RBFOX3: variants seen among roughly 807,000 people sequenced by gnomAD.
The protein encoded by RBFOX3 is RNA binding fox-1 homolog 3, also known as RNA binding protein fox-1 homolog 3.
A neutral mutation model predicts 48.7 loss-of-function variants in RBFOX3; 17 were observed. The observed-to-expected ratio is 0.35, with a 90% confidence interval of 0.24 to 0.52. The LOEUF (loss-of-function observed/expected upper bound fraction) is 0.52, where lower values mean the gene tolerates loss of function less well. RBFOX3 is among the 20% of genes least tolerant of loss of function. The probability of loss-of-function intolerance (pLI) is 0.94; values close to 1 mark genes in which losing one functional copy is unlikely to be tolerated. For missense variants in RBFOX3, 382 were observed against 497.5 expected, an observed-to-expected ratio of 0.77 and a Z score of 2.21; for synonymous variants, 212 against 209.5, an observed-to-expected ratio of 1.01 and a Z score of -0.10.
chr17:79,094,355 T>G, intron 14 of RBFOX3, 96 bp downstream of exon 14: 1 of 852,224 alleles, frequency 1.2e-6, no homozygotes, highest in Non-Finnish European at 1.7e-6. Flanking sequence ...GACCAAGGCA[T>G]TGGTCAGAGG....
At chr17:79,557,613 G>A (rs2091879416) in intron 1 of RBFOX3, among the ~76,000 whole-genome samples, 1 of 152,232 alleles carries the variant, frequency 6.6e-6, no homozygotes, top group South Asian at 2.1e-4. Flanking sequence ...CACCAAATTA[G>A]CGGCTGTTGG....
the RBFOX3 span, among the ~76,000 whole-genome samples, chr17:79,620,278 C>T: frequency 3.3e-5 from 5 of 150,502 alleles, no homozygotes; most frequent in South Asian, 4.2e-4. Flanking sequence ...CACACATACG[C>T]ATATGCGCAC....
the RBFOX3 span, among the ~76,000 whole-genome samples, chr17:79,623,342 A>G: frequency 2.0e-4 from 31 of 152,236 alleles, no homozygotes; most frequent in Middle Eastern, 3.2e-3. Context: ...GGAGGGAGGT[A>G]GAATACTGGC....
intron 4 of RBFOX3, among the ~76,000 whole-genome samples, chr17:79,174,333 C>T (rs955163121): frequency 4.0e-5 from 6 of 150,932 alleles, no homozygotes; most frequent in Admixed American, 1.3e-4. Context: ...CACAGACACA[C>T]GCACACAATG....
chr17:79,101,327 C>T (rs1392940908), intron 9 of RBFOX3, among the ~76,000 whole-genome samples: 2 of 152,196 alleles, frequency 1.3e-5, no homozygotes, highest in African/African-American at 2.4e-5. Context: ...GGGCCAGGCA[C>T]GCCTGGGAAA....
the RBFOX3 span, among the ~76,000 whole-genome samples, chr17:79,648,615 C>T: frequency 1.3e-5 from 2 of 152,210 alleles, no homozygotes; most frequent in African/African-American, 4.8e-5. Flanking sequence ...ACCTCTGCCT[C>T]GTTGGGGCCG....
chr17:79,400,786 G>A (rs532763289), intron 2 of RBFOX3, among the ~76,000 whole-genome samples: 3 of 152,294 alleles, frequency 2.0e-5, no homozygotes, highest in South Asian at 4.1e-4. Flanking sequence ...TGTTGGCCCC[G>A]TCACTGCCCT....
At chr17:79,307,011 G>A (rs1393741143) in intron 3 of RBFOX3, among the ~76,000 whole-genome samples, 1 of 152,216 alleles carries the variant, frequency 6.6e-6, no homozygotes, top group Non-Finnish European at 1.5e-5. Context: ...CTTGGCACTC[G>A]GAGCAAGGAG....
intron 4 of RBFOX3, among the ~76,000 whole-genome samples, chr17:79,193,295 A>C (rs1394001070): frequency 6.6e-6 from 1 of 152,198 alleles, no homozygotes; most frequent in Non-Finnish European, 1.5e-5. Flanking sequence ...GAATGTGCCT[A>C]TTAACAGAGA....
chr17:79,138,692 A>G (rs2040912920), intron 4 of RBFOX3, among the ~76,000 whole-genome samples: 1 of 141,198 alleles, frequency 7.1e-6, no homozygotes, highest in Non-Finnish European at 1.5e-5. Flanking sequence ...ATACACATGG[A>G]CACAGCACAT....
rs1196852369 is a variant in RBFOX3, at chr17:79,510,185, C to T, written c.-319-27587G>A. Reference sequence around the variant, plus strand: ...GACGGGTGGTGGAATTGTCTGGTGTCGACAGAGGTGCCACGGAAAAGCCAC... The same window carrying T: ...GACGGGTGGTGGAATTGTCTGGTGTTGACAGAGGTGCCACGGAAAAGCCAC... On this transcript the variant is annotated intron_variant, in intron 1 of 14. Coordinates refer to ENST00000693108, the MANE Select transcript of RBFOX3 (RefSeq NM_001350451.2). 7.2e-5 allele frequency among the ~76,000 whole-genome samples: 11 copies of T among 152,188 alleles called. No homozygotes were observed. The East Asian group carries it at 1.6e-3, about 21-fold the overall frequency.
chr17:79,334,601 C>T (rs2080903896), intron 2 of RBFOX3, among the ~76,000 whole-genome samples: 1 of 152,068 alleles, frequency 6.6e-6, no homozygotes, highest in Admixed American at 6.5e-5. Context: ...AAGTTTGCAA[C>T]CATTTCAGGA....
intron 4 of RBFOX3, among the ~76,000 whole-genome samples, chr17:79,146,752 G>A (rs2043120937): frequency 6.6e-6 from 1 of 152,218 alleles, no homozygotes. Flanking sequence ...TGGGCCTGCA[G>A]CCTGCTGGTC....
chr17:79,283,971 C>T (rs28479093), intron 3 of RBFOX3, among the ~76,000 whole-genome samples: 53 of 100,684 alleles, frequency 5.3e-4, no homozygotes, highest in Admixed American at 1.1e-3. Flanking sequence ...CCAGGACCAT[C>T]GTAACATTTG....
intron 4 of RBFOX3, among the ~76,000 whole-genome samples, chr17:79,194,131 T>C (rs992453916): frequency 3.9e-5 from 6 of 152,206 alleles, no homozygotes; most frequent in African/African-American, 1.4e-4. Flanking sequence ...AAGACACCAA[T>C]GTTGCTCTCC....
chr17:79,409,962 C>T (rs1317399193), intron 2 of RBFOX3, among the ~76,000 whole-genome samples: 2 of 152,224 alleles, frequency 1.3e-5, no homozygotes, highest in Non-Finnish European at 2.9e-5. Flanking sequence ...AGTCTCCTGG[C>T]ATCTTGGGTG....
intron 1 of RBFOX3, among the ~76,000 whole-genome samples, chr17:79,502,343 C>T (rs2082493186): frequency 6.6e-6 from 1 of 151,604 alleles, no homozygotes; most frequent in South Asian, 2.1e-4. Flanking sequence ...TGGTGGGGTG[C>T]CAGGGATGGC....
At chr17:79,094,765 C>T (rs895990824) in intron 13 of RBFOX3, among the ~76,000 whole-genome samples, 1 of 136,484 alleles carries the variant, frequency 7.3e-6, no homozygotes, top group Non-Finnish European at 1.6e-5. Flanking sequence ...AGTGTGCTGA[C>T]CCTGACGGGG....
chr17:79,526,801 C>T (rs886937626), intron 1 of RBFOX3, among the ~76,000 whole-genome samples: 64 of 152,350 alleles, frequency 4.2e-4, no homozygotes, highest in Middle Eastern at 3.4e-3. Flanking sequence ...CAGTGATTCA[C>T]CTTGCACCTT....
Sources: allele counts gnomAD v4.1 joint callset (sites outside exome capture counted in the v4.1 genomes callset), GRCh38; gene constraint gnomAD v4.1.1; transcripts MANE v1.5; gene names NCBI Gene and HGNC (gene_info 2026-07-23, HGNC 2026-07-21).